The following PVT1 variants were observed in gnomAD, a reference collection of about 807,000 sequenced individuals.
PVT1 encodes the protein CXCR4/PVT1 fusion.
At chr8:128,064,801 A>G (rs990681452) in intron 4 of PVT1, among the ~76,000 whole-genome samples, 4 of 152,252 alleles carry the variant, frequency 2.6e-5, no homozygotes, top group African/African-American at 9.6e-5. Flanking sequence ...CTTTATGTCA[A>G]CTTGTCAAGT....
intron 2 of PVT1, among the ~76,000 whole-genome samples, chr8:127,825,117 T>TAAAAAAA (rs58377389): frequency 3.7e-5 from 3 of 81,040 alleles, no homozygotes; most frequent in Admixed American, 1.5e-4. Context: ...AAACACTAGC[T>TAAAAAAA]AAAAAAAAAA....
chr8:127,964,752 C>T (rs1816685243), intron 3 of PVT1, among the ~76,000 whole-genome samples: 1 of 152,134 alleles, frequency 6.6e-6, no homozygotes, highest in Non-Finnish European at 1.5e-5. Context: ...TCCGTCTCTC[C>T]TCATGTTTTA....
At chr8:127,812,241 A>G (rs188404910) in intron 2 of PVT1, among the ~76,000 whole-genome samples, 153 of 118,130 alleles carry the variant, frequency 1.3e-3, no homozygotes, top group Non-Finnish European at 3.1e-4. Context: ...GCAGGAAGGA[A>G]GGAAGGCAGG....
At chr8:128,043,353 C>T (rs543217629) in intron 4 of PVT1, among the ~76,000 whole-genome samples, 23 of 152,322 alleles carry the variant, frequency 1.5e-4, no homozygotes, top group African/African-American at 5.5e-4. Context: ...CTCTCCATGG[C>T]TTCTCACAGG....
chr8:128,057,084 G>C (rs1813770846), intron 4 of PVT1, among the ~76,000 whole-genome samples: 1 of 152,166 alleles, frequency 6.6e-6, no homozygotes, highest in African/African-American at 2.4e-5. Flanking sequence ...GTTTAGCTGT[G>C]AGATAACCAG....
At chr8:127,799,394 G>A (rs1814436534) in intron 2 of PVT1, among the ~76,000 whole-genome samples, 1 of 152,070 alleles carries the variant, frequency 6.6e-6, no homozygotes, top group Non-Finnish European at 1.5e-5. Flanking sequence ...CTCTGTCTCT[G>A]TAAAAAATAA....
At chr8:127,987,876 C>T (rs1183439352) in intron 3 of PVT1, among the ~76,000 whole-genome samples, 3 of 152,348 alleles carry the variant, frequency 2.0e-5, no homozygotes, top group African/African-American at 7.2e-5. Context: ...AGCCCAGAGG[C>T]GCTGAGGACA....
intron 2 of PVT1, among the ~76,000 whole-genome samples, chr8:127,811,384 T>TTA (rs1228110235): frequency 6.6e-6 from 1 of 152,168 alleles, no homozygotes; most frequent in African/African-American, 2.4e-5. Context: ...AGCTCCTTGG[T>TTA]TATAGGTGCC....
intron 4 of PVT1, chr8:128,008,933 G>A (rs2114358): frequency 0.62 from 323,435 of 522,284 alleles, 101,439 homozygotes; most frequent in African/African-American, 0.73. Flanking sequence ...CTTGCAGTAG[G>A]TTTTTGCAAG....
At chr8:127,957,056 A>G (rs1190834085) in intron 3 of PVT1, among the ~76,000 whole-genome samples, 2 of 152,136 alleles carry the variant, frequency 1.3e-5, no homozygotes, top group African/African-American at 4.8e-5. Context: ...ATGCTTTTCA[A>G]ACAACTTTTC....
chr8:127,810,957 A>G (rs745667705), intron 2 of PVT1, among the ~76,000 whole-genome samples: 1 of 152,052 alleles, frequency 6.6e-6, no homozygotes, highest in East Asian at 1.9e-4. Context: ...TAGTATTACT[A>G]TGTTGTTTCT....
intron 2 of PVT1, among the ~76,000 whole-genome samples, chr8:127,863,395 C>T (rs1815251252): frequency 6.6e-6 from 1 of 152,180 alleles, no homozygotes; most frequent in Non-Finnish European, 1.5e-5. Flanking sequence ...CAGGCATGAG[C>T]CACCGTGCCT....
rs146390667 is a variant in PVT1, at chr8:128,002,250, G to A, written n.912+12959G>A. On this transcript the variant is annotated intron_variant and non_coding_transcript_variant, in intron 4 of 10. Coordinates refer to ENST00000651587, the Ensembl canonical transcript of PVT1. ...CCTGGGTGATTCCCCATGGCCAGGG[G>A]CCCACCTCGGTTCCCAGGGATCCAT... 3.3e-3 allele frequency among the ~76,000 whole-genome samples: 510 copies of A among 152,260 alleles called. 1 individual carries two copies. Among genetic ancestry groups the A allele is most frequent in the African/African-American group, 0.012 (483 of 41,546 alleles).
At chr8:128,069,147 G>A (rs1420786947) in intron 4 of PVT1, among the ~76,000 whole-genome samples, 2 of 152,284 alleles carry the variant, frequency 1.3e-5, no homozygotes, top group East Asian at 1.9e-4. Context: ...AATTACATAA[G>A]GTATTGCGTC....
At chr8:127,919,987 C>T (rs752873874) in intron 3 of PVT1, among the ~76,000 whole-genome samples, 1 of 152,208 alleles carries the variant, frequency 6.6e-6, no homozygotes, top group Non-Finnish European at 1.5e-5. Flanking sequence ...CTTGGCCTGA[C>T]ACACCTGGCC....
chr8:127,878,484 C>T (rs961053550), intron 2 of PVT1, among the ~76,000 whole-genome samples: 1 of 152,310 alleles, frequency 6.6e-6, no homozygotes, highest in African/African-American at 2.4e-5. Flanking sequence ...AATTCTCCCC[C>T]TAGCCTGTTT....
chr8:127,873,541 C>T (rs77971959), intron 2 of PVT1, among the ~76,000 whole-genome samples: 15,481 of 152,014 alleles, frequency 0.1, 863 homozygotes, highest in East Asian at 0.14. Flanking sequence ...AGGAGGGACC[C>T]GGCGTGCAAT....
At chr8:127,958,224 TTTTG>T (rs1816594960) in intron 3 of PVT1, among the ~76,000 whole-genome samples, 1 of 152,048 alleles carries the variant, frequency 6.6e-6, no homozygotes, top group Admixed American at 6.5e-5. Flanking sequence ...TCTCTTCTTT[TTTTG>T]TTTTTCTTTT....
intron 4 of PVT1, among the ~76,000 whole-genome samples, chr8:128,064,350 G>A (rs1166066033): frequency 6.6e-6 from 1 of 152,212 alleles, no homozygotes; most frequent in Non-Finnish European, 1.5e-5. Flanking sequence ...GTGGGCAGAA[G>A]CACATTTGCA....
Sources: allele counts gnomAD v4.1 joint callset (sites outside exome capture counted in the v4.1 genomes callset), GRCh38; gene constraint gnomAD v4.1.1; transcripts MANE v1.5; gene names NCBI Gene and HGNC (gene_info 2026-07-23, HGNC 2026-07-21).